CCDC178: variants seen among roughly 807,000 people sequenced by gnomAD.
CCDC178 encodes the protein coiled-coil domain-containing protein 178.
In CCDC178, 126 loss-of-function variants were observed where a neutral mutation model predicts 117.4. That is an observed-to-expected ratio of 1.07 (90% CI 0.93 to 1.24). CCDC178 has a LOEUF of 1.24. Ranked by LOEUF, CCDC178 falls within the 50% of genes most tolerant of loss-of-function variation. The pLI is 0.00. For synonymous variants in CCDC178, 283 were observed against 313.4 expected (o/e 0.90, Z 1.02); for missense variants, 1,030 against 986.9 (o/e 1.04, Z -0.59).
chr18:33,029,280 A>C (rs2056288289), intron 21 of CCDC178, among the ~76,000 whole-genome samples: 1 of 151,900 alleles, frequency 6.6e-6, no homozygotes, highest in Non-Finnish European at 1.5e-5. Flanking sequence ...TCTCACCTGA[A>C]TTATCTAATT....
intron 22 of CCDC178, among the ~76,000 whole-genome samples, chr18:32,945,417 T>C (rs1209310240): frequency 6.6e-6 from 1 of 152,244 alleles, no homozygotes; most frequent in Non-Finnish European, 1.5e-5. Flanking sequence ...AAGAGGCTTA[T>C]ACAAAACAAT....
At chr18:33,229,083 G>C (rs2059341501) in intron 15 of CCDC178, among the ~76,000 whole-genome samples, 1 of 152,086 alleles carries the variant, frequency 6.6e-6, no homozygotes, top group Admixed American at 6.6e-5. Flanking sequence ...TAGTGTATAG[G>C]ATACTTATTA....
At chr18:33,170,636 T>C (rs764123660) in intron 20 of CCDC178, among the ~76,000 whole-genome samples, 13 of 152,094 alleles carry the variant, frequency 8.5e-5, no homozygotes, top group Non-Finnish European at 1.8e-4. Context: ...AATAATTACA[T>C]GTTAAAATTA....
intron 20 of CCDC178, among the ~76,000 whole-genome samples, chr18:33,179,673 AC>A (rs1485765215): frequency 6.6e-6 from 1 of 152,072 alleles, no homozygotes; most frequent in African/African-American, 2.4e-5. Context: ...AGCAATGTTT[AC>A]CAATCAAATT....
chr18:32,947,978 C>CTT (rs2054393159), intron 22 of CCDC178, among the ~76,000 whole-genome samples: 1 of 152,014 alleles, frequency 6.6e-6, no homozygotes, highest in African/African-American at 2.4e-5. Flanking sequence ...AATAATTTGT[C>CTT]TTTGCAACAT....
chr18:33,055,109 C>G (rs1380768080), intron 21 of CCDC178, among the ~76,000 whole-genome samples: 1 of 152,124 alleles, frequency 6.6e-6, no homozygotes, highest in African/African-American at 2.4e-5. Context: ...CCTTTGCCTA[C>G]TTTTTAATGC....
chr18:32,989,382 G>C (rs990252230), intron 21 of CCDC178, among the ~76,000 whole-genome samples: 3 of 152,130 alleles, frequency 2.0e-5, no homozygotes, highest in Non-Finnish European at 4.4e-5. Flanking sequence ...TTATTGGATG[G>C]AGAAGATGCA....
intron 21 of CCDC178, among the ~76,000 whole-genome samples, chr18:33,063,360 C>T (rs965068791): frequency 6.6e-6 from 1 of 152,170 alleles, no homozygotes; most frequent in Admixed American, 6.5e-5. Context: ...GGACTGAGGA[C>T]AAGCTCTCCC....
At chr18:33,015,051 T>C (rs1437057760) in intron 21 of CCDC178, among the ~76,000 whole-genome samples, 1 of 148,322 alleles carries the variant, frequency 6.7e-6, no homozygotes, top group Non-Finnish European at 1.5e-5. Context: ...AAATCAGGAG[T>C]TTGAGACCAG....
chr18:33,032,909 A>G (rs1178632726), intron 21 of CCDC178, among the ~76,000 whole-genome samples: 1 of 151,942 alleles, frequency 6.6e-6, no homozygotes, highest in Non-Finnish European at 1.5e-5. Context: ...CCTCAGCTTA[A>G]TTTTTACTAA....
At chr18:33,392,399 T>C (rs181547222) in intron 4 of CCDC178, among the ~76,000 whole-genome samples, 1 of 152,278 alleles carries the variant, frequency 6.6e-6, no homozygotes, top group African/African-American at 2.4e-5. Context: ...TCTTTGAACT[T>C]TAGTTTTACT....
At chr18:33,027,487 A>G in intron 21 of CCDC178, among the ~76,000 whole-genome samples, 1 of 151,706 alleles carries the variant, frequency 6.6e-6, no homozygotes, top group Middle Eastern at 3.2e-3. Context: ...TCCCTGCCAC[A>G]TACAAAAACA....
intron 22 of CCDC178, among the ~76,000 whole-genome samples, chr18:32,944,046 T>TA (rs1322861533): frequency 2.6e-5 from 4 of 152,188 alleles, no homozygotes; most frequent in Non-Finnish European, 5.9e-5. Flanking sequence ...TATTGTGGCT[T>TA]AAAGTGGAAA....
At position 33,412,064 on chromosome 18, in the gene CCDC178, A is replaced by G; in HGVS notation, c.25T>C (p.Ser9Pro). The change falls in exon 3 of 23, where the codon TCT (serine) becomes CCT (proline). Residue 9 changes from serine (S) to proline (P), a missense_variant. Ser to Pro is a moderately conservative substitution (Grantham distance 74, BLOSUM62 -1). Transcript: ENST00000383096. ...GTTTGATCATCTCTAGTGGAAGAAG[A>G]GGAAACTGTCTTGTTTTCAGTCATA... The part of the protein sequence containing the change: MTENKTVS[S>P]SSTRDDQTNI... 6.6e-7 allele frequency: 1 copy of G among 1,509,128 alleles called. No individual in the cohort carries two copies. Among genetic ancestry groups the G allele is most frequent in the Non-Finnish European group, 9.1e-7 (1 of 1,095,266 alleles). The allele number at this position is 1,509,128 out of a possible 1,614,324, so 93.5% of individuals were successfully genotyped here.
chr18:33,145,888 G>A (rs1318890166), intron 20 of CCDC178, among the ~76,000 whole-genome samples: 1 of 152,152 alleles, frequency 6.6e-6, no homozygotes, highest in Non-Finnish European at 1.5e-5. Flanking sequence ...GAAATCAAAA[G>A]ATATAGTCTT....
intron 20 of CCDC178, among the ~76,000 whole-genome samples, chr18:33,193,145 C>A (rs1359793590): frequency 6.6e-6 from 1 of 150,440 alleles, no homozygotes; most frequent in Non-Finnish European, 1.5e-5. Context: ...CGCCTGTAGT[C>A]GCAGCTACCT....
At chr18:33,284,934 GACACAC>G (rs141502931) in intron 12 of CCDC178, among the ~76,000 whole-genome samples, 3 of 149,036 alleles carry the variant, frequency 2.0e-5, no homozygotes, top group African/African-American at 7.4e-5. Flanking sequence ...CACACACACA[GACACAC>G]ACACACACAC....
intron 21 of CCDC178, among the ~76,000 whole-genome samples, chr18:33,088,071 G>A (rs889816490): frequency 6.6e-6 from 1 of 152,056 alleles, no homozygotes; most frequent in African/African-American, 2.4e-5. Flanking sequence ...GGTGAAGAAA[G>A]GATGCTGGAG....
At position 33,042,629 on chromosome 18, in the gene CCDC178, G is replaced by A. The variant is rs150748954; in HGVS notation, c.2388+50132C>T. On this transcript the variant is annotated intron_variant, in intron 21 of 22. Transcript: ENST00000383096. ...CAATATGAATATGGACTGGGTATTA[G>A]GAAAATGGTTTTAATTTCCCTTGGT... 6.6e-5 allele frequency among the ~76,000 whole-genome samples: 10 copies of A among 152,004 alleles called. 1 individual carries two copies. The East Asian group carries it at 1.9e-3, about 29-fold the overall frequency.
Sources: gnomAD v4.1 joint callset for allele counts (sites outside exome capture counted in the v4.1 genomes callset) on GRCh38, gnomAD v4.1.1 for gene constraint, MANE v1.5 for transcripts, NCBI Gene and HGNC (gene_info 2026-07-23, HGNC 2026-07-21) for gene names.